Variants in ERCC6L2 observed in about 807,000 individuals in gnomAD.
The protein encoded by ERCC6L2 is DNA excision repair protein ERCC-6-like 2.
ERCC6L2 carries 77 observed loss-of-function variants against 132.0 expected under a neutral mutation model. The observed-to-expected ratio is 0.58, with a 90% confidence interval of 0.49 to 0.71. The LOEUF (loss-of-function observed/expected upper bound fraction) is 0.71, where lower values mean the gene tolerates loss of function less well. ERCC6L2 is among the 30% of genes least tolerant of loss of function. The pLI, the probability that ERCC6L2 is intolerant of heterozygous loss-of-function variation, is 0.00. For synonymous variants in ERCC6L2, 583 were observed against 632.4 expected, an observed-to-expected ratio of 0.92 and a Z score of 1.17; for missense variants, 1,542 against 1,837.6, an observed-to-expected ratio of 0.84 and a Z score of 2.94.
chr9:95,923,178 T>C, intron 8 of ERCC6L2, 82 bp from the exon 9 acceptor site: 1 of 1,484,814 alleles, frequency 6.7e-7, no homozygotes, highest in Non-Finnish European at 9.0e-7. Context: ...CTAAAAAGAA[T>C]TTTTTTCATA....
intron 12 of ERCC6L2, among the ~76,000 whole-genome samples, chr9:95,952,932 T>C (rs965099743): frequency 6.6e-6 from 1 of 152,198 alleles, no homozygotes; most frequent in Non-Finnish European, 1.5e-5. Context: ...GATTGAATTG[T>C]TTTTCCTGTA....
chr9:96,027,054 TACACACACC>T (rs529392644), intron 19 of ERCC6L2, among the ~76,000 whole-genome samples: 3,624 of 55,256 alleles, frequency 0.066, 86 homozygotes, highest in East Asian at 0.2. Flanking sequence ...CCCCACACAC[TACACACACC>T]ACACACACCA....
chr9:95,956,707 C>G (rs1831620748), intron 13 of ERCC6L2, among the ~76,000 whole-genome samples: 1 of 152,096 alleles, frequency 6.6e-6, no homozygotes, highest in South Asian at 2.1e-4. Context: ...ACCATCAGAT[C>G]TCTTGAGAAC....
chr9:95,972,502 T>C lies in ERCC6L2; in HGVS notation c.2751T>C (p.Asn917=). The C allele has an allele frequency of 1.6e-6, 2 of 1,289,758 alleles. No homozygotes were observed. The highest frequency in any genetic ancestry group is 2.5e-5 in the South Asian group (2 of 80,984). 79.9% of individuals were successfully genotyped at this position (1,289,758 alleles called of 1,614,324 possible). The change falls in exon 16 of 19, where the codon AAT becomes AAC. Residue 917 remains asparagine (N), a synonymous_variant. Coordinates refer to ENST00000653738, the MANE Select transcript of ERCC6L2 (RefSeq NM_020207.7). ...ACACAACTGAGAGATTCCCCGACAA[T>C]AGTATAAGGTTTAAGCCACCCTTGG... ...TQYTTERFPD[N]SIRFKPPLEG...
intron 19 of ERCC6L2, among the ~76,000 whole-genome samples, chr9:96,030,016 G>A: frequency 6.6e-6 from 1 of 152,182 alleles, no homozygotes. Flanking sequence ...CCAGTGAGAG[G>A]TGAAGCCAGC....
intron 11 of ERCC6L2, among the ~76,000 whole-genome samples, chr9:95,934,235 G>A (rs1425452793): frequency 1.3e-5 from 2 of 152,072 alleles, no homozygotes; most frequent in African/African-American, 4.8e-5. Context: ...GTCTTACAGA[G>A]TATTAAATAC....
chr9:95,956,907 T>C (rs777781328), intron 13 of ERCC6L2, among the ~76,000 whole-genome samples: 19 of 152,162 alleles, frequency 1.2e-4, no homozygotes, highest in South Asian at 6.2e-4. Flanking sequence ...CAGGTAGATA[T>C]TCATATGTTA....
At chr9:95,922,566 G>A (rs997434419) in intron 8 of ERCC6L2, 148 bp downstream of exon 8, 8 of 568,818 alleles carry the variant, frequency 1.4e-5, no homozygotes, top group Non-Finnish European at 2.5e-5. Flanking sequence ...CAAGGAGTAT[G>A]TGCACTTAAG....
rs574547148 is a variant in ERCC6L2 at position 95,937,213 on chromosome 9, G to A, written c.1752-4241G>A. Reference sequence around the variant, plus strand: ...GAAATTGCTAAACTGTTAACAAAGTGGCTATATGGTTTTACATTCCCCACA... The same window carrying A: ...GAAATTGCTAAACTGTTAACAAAGTAGCTATATGGTTTTACATTCCCCACA... On this transcript the variant is annotated intron_variant, in intron 11 of 18. Transcript: ENST00000653738. 5.9e-5 allele frequency among the ~76,000 whole-genome samples: 9 copies of A among 152,260 alleles called. No homozygotes were observed. In the East Asian group the frequency reaches 1.7e-3, roughly 29 times the overall value.
intron 12 of ERCC6L2, among the ~76,000 whole-genome samples, chr9:95,953,137 A>G (rs1042870113): frequency 2.0e-5 from 3 of 152,224 alleles, no homozygotes; most frequent in South Asian, 2.1e-4. Context: ...GCCTGTAGCT[A>G]TATAGGTGTT....
chr9:95,885,549 C>A (rs1400832124), intron 2 of ERCC6L2, among the ~76,000 whole-genome samples: 1 of 152,156 alleles, frequency 6.6e-6, no homozygotes, highest in African/African-American at 2.4e-5. Context: ...ACATCTAATT[C>A]AACAGGTAAC....
chr9:95,894,584 C>CTTTTTTTT (rs1218474585), intron 2 of ERCC6L2, among the ~76,000 whole-genome samples: 1 of 83,484 alleles, frequency 1.2e-5, no homozygotes, highest in East Asian at 3.5e-4. Context: ...ATATGTCAGC[C>CTTTTTTTT]TTTTTTTTTT....
downstream of ERCC6L2, chr9:96,020,434 G>C (rs1834266128): frequency 3.3e-6 from 1 of 302,278 alleles, no homozygotes. Flanking sequence ...TCATCCCAAG[G>C]ACAGCAGTTA....
chr9:96,001,170 A>G (rs1833661190), intron 17 of ERCC6L2, among the ~76,000 whole-genome samples: 1 of 152,160 alleles, frequency 6.6e-6, no homozygotes, highest in South Asian at 2.1e-4. Flanking sequence ...ACAGCTCATA[A>G]AAGCAGCGTG....
At chr9:96,030,285 G>C (rs368781888) in intron 19 of ERCC6L2, among the ~76,000 whole-genome samples, 1 of 152,132 alleles carries the variant, frequency 6.6e-6, no homozygotes, top group Non-Finnish European at 1.5e-5. Context: ...GGCAATAAAA[G>C]CTGGCCACCC....
chr9:95,934,131 C>G (rs575311950), intron 11 of ERCC6L2, among the ~76,000 whole-genome samples: 1 of 152,162 alleles, frequency 6.6e-6, no homozygotes, highest in South Asian at 2.1e-4. Flanking sequence ...CAGCTGGGCT[C>G]AGGAAAACAG....
chr9:96,026,782 C>T (rs1286473299), intron 19 of ERCC6L2, among the ~76,000 whole-genome samples: 8 of 107,536 alleles, frequency 7.4e-5, no homozygotes, highest in African/African-American at 3.5e-4. Context: ...CACACAAACA[C>T]CACACACACC....
At position 95,915,752 on chromosome 9, in the gene ERCC6L2, GAAATGT is replaced by G; in HGVS notation, c.876_881del (p.Lys292_Cys293del). ...GAGTAACAGAAGTTATGAAAGCTTT[GAAATGT>G]AATGTCCGCATTGGCCTCACTGGAA... On this transcript the variant is annotated inframe_deletion, in exon 5 of 19. Coordinates refer to ENST00000653738, the MANE Select transcript of ERCC6L2 (RefSeq NM_020207.7). The G allele has an allele frequency of 6.2e-7, 1 of 1,613,938 alleles. No individual in the cohort carries two copies. The highest frequency in any genetic ancestry group is 8.5e-7 in the Non-Finnish European group (1 of 1,179,878).
chr9:96,026,510 G>T (rs1834366643), intron 19 of ERCC6L2, among the ~76,000 whole-genome samples: 1 of 152,044 alleles, frequency 6.6e-6, no homozygotes, highest in South Asian at 2.1e-4. Flanking sequence ...CAGGCCAGGC[G>T]GCTTCCGCAG....
Sources: gnomAD v4.1 joint callset for allele counts (sites outside exome capture counted in the v4.1 genomes callset) on GRCh38, gnomAD v4.1.1 for gene constraint, MANE v1.5 for transcripts, NCBI Gene and HGNC (gene_info 2026-07-23, HGNC 2026-07-21) for gene names.